Variants in RBFOX1 observed in about 807,000 individuals in gnomAD.
The protein encoded by RBFOX1 is RNA binding protein fox-1 homolog 1.
In RBFOX1, 8 loss-of-function variants were observed where a neutral mutation model predicts 57.7. That is an observed-to-expected ratio of 0.14 (90% CI 0.08 to 0.25). The LOEUF is 0.25. Ranked by LOEUF, RBFOX1 falls within the 10% of genes least tolerant of loss-of-function variation. RBFOX1 has a pLI of 1.00. For missense variants in RBFOX1, 611 were observed against 548.5 expected, an observed-to-expected ratio of 1.11 and a Z score of -1.14; for synonymous variants, 326 against 222.4, an observed-to-expected ratio of 1.47 and a Z score of -4.15.
intron 12 of RBFOX1, among the ~76,000 whole-genome samples, chr16:7,663,758 G>A (rs1401361425): frequency 6.6e-6 from 1 of 152,122 alleles, no homozygotes; most frequent in East Asian, 1.9e-4. Context: ...TTTAAAAATA[G>A]GCATTTAGAA....
intron 2 of RBFOX1, among the ~76,000 whole-genome samples, chr16:6,356,077 T>A (rs2087267184): frequency 6.6e-6 from 1 of 152,198 alleles, no homozygotes; most frequent in East Asian, 1.9e-4. Context: ...AATAAATGCA[T>A]GGATAAATTA....
At chr16:7,015,921 C>T (rs903841691) in intron 3 of RBFOX1, among the ~76,000 whole-genome samples, 7 of 152,170 alleles carry the variant, frequency 4.6e-5, no homozygotes, top group African/African-American at 1.7e-4. Context: ...TCTAACTTCT[C>T]TTTGAAGGGT....
intron 4 of RBFOX1, among the ~76,000 whole-genome samples, chr16:5,940,173 T>C (rs1001034215): frequency 6.6e-6 from 1 of 152,200 alleles, no homozygotes; most frequent in African/African-American, 2.4e-5. Flanking sequence ...TAAGAAGTAT[T>C]GGAATGATGG....
chr16:7,688,162 C>G (rs575491945), intron 14 of RBFOX1, among the ~76,000 whole-genome samples: 1 of 151,392 alleles, frequency 6.6e-6, no homozygotes, highest in South Asian at 2.1e-4. Context: ...ATCTACCAGG[C>G]CAGAAGACCA....
intron 4 of RBFOX1, among the ~76,000 whole-genome samples, chr16:7,312,554 G>T (rs1403693537): frequency 6.6e-6 from 1 of 152,146 alleles, no homozygotes; most frequent in Non-Finnish European, 1.5e-5. Flanking sequence ...TGTCACTCCG[G>T]GTCTTCTTGG....
intron 2 of RBFOX1, among the ~76,000 whole-genome samples, chr16:6,506,474 A>C (rs1038132046): frequency 6.6e-6 from 1 of 151,988 alleles, no homozygotes; most frequent in South Asian, 2.1e-4. Context: ...AGGCTGAGGG[A>C]ATGAACCAAG....
intron 2 of RBFOX1, among the ~76,000 whole-genome samples, chr16:6,600,818 GAT>G (rs973267332): frequency 2.8e-4 from 40 of 144,854 alleles, no homozygotes; most frequent in Middle Eastern, 4.3e-3. Flanking sequence ...AGAAAAAAAA[GAT>G]AGAAAAAAAA....
At chr16:7,554,955 A>G (rs926161647) in intron 5 of RBFOX1, among the ~76,000 whole-genome samples, 2 of 152,228 alleles carry the variant, frequency 1.3e-5, no homozygotes, top group Admixed American at 6.5e-5. Context: ...CAAGTAGAAC[A>G]CTAAGGAAAT....
At chr16:5,594,045 C>T (rs2047100566) in intron 2 of RBFOX1, among the ~76,000 whole-genome samples, 1 of 152,004 alleles carries the variant, frequency 6.6e-6, no homozygotes, top group South Asian at 2.1e-4. Context: ...ATGGCCTTGG[C>T]TTGGAGCTTT....
rs574088801 is a variant in RBFOX1, at chr16:6,191,121, C to A, written c.-126-125874C>A. Among the ~76,000 whole-genome samples the A allele has an allele frequency of 3.5e-5, 4 of 115,160 alleles. No individual in the cohort carries two copies. The East Asian group carries it at 1.1e-3, about 31-fold the overall frequency. 75.5% of individuals were successfully genotyped at this position (115,160 alleles called of 152,430 possible). A position where few individuals can be genotyped will look rare whatever the true frequency, so the allele number is the denominator to read the frequency against. On this transcript the variant is annotated intron_variant, in intron 1 of 15. Coordinates refer to ENST00000550418, the MANE Select transcript of RBFOX1 (RefSeq NM_018723.4). ...GACAGCTTGGTTGGATTGAATAATG[C>A]GTCTGTGGTTTTTTTTTTTTTTTTT...
At chr16:6,225,553 G>C (rs1394426587) in intron 1 of RBFOX1, among the ~76,000 whole-genome samples, 2 of 152,122 alleles carry the variant, frequency 1.3e-5, no homozygotes, top group African/African-American at 2.4e-5. Flanking sequence ...AAAATAGAAA[G>C]TATTCACCTT....
chr16:6,061,662 C>A (rs565410849), intron 1 of RBFOX1, among the ~76,000 whole-genome samples: 1 of 151,872 alleles, frequency 6.6e-6, no homozygotes, highest in African/African-American at 2.4e-5. Context: ...ATAAATAAAT[C>A]TCTATGGATA....
At chr16:7,146,066 G>C (rs1464947579) in intron 4 of RBFOX1, among the ~76,000 whole-genome samples, 1 of 152,184 alleles carries the variant, frequency 6.6e-6, no homozygotes, top group Non-Finnish European at 1.5e-5. Context: ...TCTTTTGACT[G>C]TTCCAAATGG....
intron 4 of RBFOX1, among the ~76,000 whole-genome samples, chr16:7,058,400 T>A (rs1009143758): frequency 1.3e-5 from 2 of 152,162 alleles, no homozygotes; most frequent in African/African-American, 4.8e-5. Context: ...TTTGAAAACA[T>A]TGTTTGCAAA....
At chr16:5,874,869 C>G (rs1460890579) in intron 4 of RBFOX1, among the ~76,000 whole-genome samples, 3 of 152,150 alleles carry the variant, frequency 2.0e-5, no homozygotes, top group Admixed American at 1.3e-4. Context: ...CACTTGGGAC[C>G]CAGGAGTTTG....
chr16:7,453,569 T>G (rs922698809), intron 4 of RBFOX1, among the ~76,000 whole-genome samples: 2 of 152,300 alleles, frequency 1.3e-5, no homozygotes, highest in East Asian at 1.9e-4. Context: ...CCAGGAGCTC[T>G]GAGAAAACAA....
chr16:6,513,492 G>C (rs1185470857), intron 2 of RBFOX1, among the ~76,000 whole-genome samples: 1 of 152,158 alleles, frequency 6.6e-6, no homozygotes, highest in Non-Finnish European at 1.5e-5. Flanking sequence ...TCATCACTTT[G>C]GGAGGTCGAG....
chr16:5,599,503 A>G (rs2047296043), exon 3 of RBFOX1: 2 of 448,092 alleles, frequency 4.5e-6, no homozygotes, highest in Non-Finnish European at 3.9e-6. Flanking sequence ...CCCTGCACAG[A>G]TACTTCTGAA....
intron 3 of RBFOX1, among the ~76,000 whole-genome samples, chr16:6,739,358 C>T (rs373494271): frequency 2.4e-4 from 36 of 152,216 alleles, no homozygotes; most frequent in African/African-American, 8.2e-4. Flanking sequence ...TGCACTTACT[C>T]ATTTGAGAGC....
Sources: allele counts gnomAD v4.1 joint callset (sites outside exome capture counted in the v4.1 genomes callset), GRCh38; gene constraint gnomAD v4.1.1; transcripts MANE v1.5; gene names NCBI Gene and HGNC (gene_info 2026-07-23, HGNC 2026-07-21).